The following GRID2IP variants were observed in gnomAD, a reference collection of about 807,000 sequenced individuals.
GRID2IP encodes Grid2 interacting protein, also known as delphilin.
In GRID2IP, 78 loss-of-function variants were observed where a neutral mutation model predicts 114.3. The ratio of observed to expected loss-of-function variants is 0.68; its 90% CI spans 0.57 to 0.82. The LOEUF is 0.82. Ranked by LOEUF, GRID2IP falls within the 40% of genes least tolerant of loss-of-function variation. The pLI, the probability that GRID2IP is intolerant of heterozygous loss-of-function variation, is 0.00. For synonymous variants in GRID2IP, 809 were observed against 724.0 expected, an observed-to-expected ratio of 1.12 and a Z score of -1.89; for missense variants, 1,727 against 1,678.5, an observed-to-expected ratio of 1.03 and a Z score of -0.51.
At position 6,536,014 on chromosome 7, in the gene GRID2IP, ACTGGCACCCAACC is replaced by A. The variant is rs1562523688; in HGVS notation, c.584+3691_584+3703del. Among the ~76,000 whole-genome samples the A allele has an allele frequency of 6.6e-6, 1 of 152,036 alleles. No homozygotes were observed. Among genetic ancestry groups the A allele is most frequent in the African/African-American group, 2.4e-5 (1 of 41,392 alleles). Reference sequence around the variant, plus strand: ...TTGCTCTGTGCTGAGTTAGCCATCAACTGGCACCCAACCCTGGGAATCACAGCTGCGTCTGTGG... The same window carrying A: ...TTGCTCTGTGCTGAGTTAGCCATCAACTGGGAATCACAGCTGCGTCTGTGG... On this transcript the variant is annotated intron_variant, in intron 2 of 21. Transcript: ENST00000457091. The surrounding 1 kb of genome is among the most constrained non-coding windows in gnomAD (Gnocchi z 5.3).
intron 2 of GRID2IP, chr7:6,531,077 C>G (rs1359399708): frequency 1.6e-6 from 1 of 626,790 alleles, no homozygotes; most frequent in African/African-American, 1.9e-5. Context: ...CCGAAAGTGC[C>G]GAGAGAAGCC....
chr7:6,525,031 T>G (rs986797553), intron 4 of GRID2IP, among the ~76,000 whole-genome samples: 2 of 151,896 alleles, frequency 1.3e-5, no homozygotes, highest in African/African-American at 2.4e-5. Context: ...ATAGGCCGAG[T>G]GTGGTGCTCT....
At chr7:6,503,451 A>T in intron 16 of GRID2IP, 40 bp downstream of exon 16, 1 of 1,473,942 alleles carries the variant, frequency 6.8e-7, no homozygotes, top group Non-Finnish European at 8.9e-7. Context: ...GCCCCTGTGG[A>T]GCCGGCCGAG....
rs539911693 is a variant in GRID2IP at position 6,536,466 on chromosome 7, G to C, written c.584+3252C>G. Among the ~76,000 whole-genome samples, 821 of 152,350 alleles carry C rather than the reference G, an allele frequency of 5.4e-3. 7 individuals carry two copies. The highest frequency in any genetic ancestry group is 4.2e-3 in the Non-Finnish European group (284 of 68,018). On this transcript the variant is annotated intron_variant, in intron 2 of 21. Transcript: ENST00000457091. The surrounding 1 kb of genome is among the most constrained non-coding windows in gnomAD (Gnocchi z 5.3). ...GCAGCTGCCGGCGGCTTGGGGACCA[G>C]CGGCGGCTGGGAAAGGCGGGCATGG...
intron 1 of GRID2IP, among the ~76,000 whole-genome samples, chr7:6,549,985 T>A (rs564336614): frequency 2.0e-5 from 3 of 151,956 alleles, no homozygotes; most frequent in Admixed American, 6.6e-5. Flanking sequence ...TCTGTGGCTC[T>A]TTTTATTTTA....
Position 6,532,002 on chromosome 7 carries a change from C to A in GRID2IP, c.585-5233G>T, listed in dbSNP as rs1037095024. 6.6e-6 allele frequency among the ~76,000 whole-genome samples: 1 copy of A among 152,146 alleles called. No individual in the cohort carries two copies. Among genetic ancestry groups the A allele is most frequent in the African/African-American group, 2.4e-5 (1 of 41,422 alleles). On this transcript the variant is annotated intron_variant, in intron 2 of 21. Transcript: ENST00000457091. This position sits in a 1 kb window ranked among gnomAD's most constrained non-coding sequence, Gnocchi z 4.4. ...GGAGCGAGTAGAGGGCCTCCCAGAGCTGCGCCTCTTGCTCTGCCAGGAGAG... is the reference window on the plus strand; with the variant it reads ...GGAGCGAGTAGAGGGCCTCCCAGAGATGCGCCTCTTGCTCTGCCAGGAGAG...
At position 6,510,922 on chromosome 7, in the gene GRID2IP, G is replaced by T. The variant is rs1304151136; in HGVS notation, c.1541C>A (p.Ala514Asp). ...ACCAGCCTTACCGCAGCTGAGGCCG[G>T]CCTCCAGGCCCTGGGACCGGAGGCT... is the stretch of plus-strand genomic sequence containing the variant. ...RRSLRSQGLE[A>D]GLSCGPSECP... The change falls in exon 9 of 22, where the codon GCC becomes GAC. Residue 514 changes from alanine (A) to aspartate (D), a missense_variant. Physicochemically the swap from Ala to Asp is moderately radical, Grantham distance 126. Transcript: ENST00000457091. The T allele has an allele frequency of 1.3e-6, 2 of 1,549,572 alleles. No individual in the cohort carries two copies. The highest frequency in any genetic ancestry group is 1.2e-5 in the South Asian group (1 of 84,016).
At chr7:6,548,458 A>C (rs191543020) in intron 1 of GRID2IP, among the ~76,000 whole-genome samples, 9 of 152,272 alleles carry the variant, frequency 5.9e-5, no homozygotes, top group Admixed American at 5.9e-4. Context: ...CTTATTTCAC[A>C]TTGCATGCCT....
intron 1 of GRID2IP, among the ~76,000 whole-genome samples, chr7:6,546,308 C>T (rs1779887224): frequency 6.6e-6 from 1 of 150,840 alleles, no homozygotes; most frequent in African/African-American, 2.4e-5. Context: ...AACTCCTGAC[C>T]TCAGGTGACC....
intron 7 of GRID2IP, among the ~76,000 whole-genome samples, chr7:6,515,708 G>A (rs1332060459): frequency 1.3e-5 from 2 of 148,868 alleles, no homozygotes; most frequent in Non-Finnish European, 1.5e-5. Context: ...GCCTGAGCTC[G>A]GGGAGGCGGA....
In GRID2IP at chr7:6,521,798, A is replaced by T; in HGVS notation, c.989+90T>A. 2 of 986,198 alleles carry T rather than the reference A, an allele frequency of 2.0e-6. No homozygotes were observed. The highest frequency in any genetic ancestry group is 3.1e-6 in the Non-Finnish European group (2 of 642,946). The allele number at this position is 986,198 out of a possible 1,614,324, so 61.1% of individuals were successfully genotyped here. A position where few individuals can be genotyped will look rare whatever the true frequency, so the allele number is the denominator to read the frequency against. Reference sequence around the variant, plus strand: ...GACCAAATGGTGAGAGGAGATTGTGATCACAGCCTGGGTGCCCCAAGAGGC... The same window carrying T: ...GACCAAATGGTGAGAGGAGATTGTGTTCACAGCCTGGGTGCCCCAAGAGGC... On this transcript the variant is annotated intron_variant, in intron 5 of 21. Transcript: ENST00000457091. This position sits in a 1 kb window ranked among gnomAD's most constrained non-coding sequence, Gnocchi z 4.1.
chr7:6,516,853 C>A lies in GRID2IP; in HGVS notation c.1269-2324G>T, dbSNP rs1003416158. Among the ~76,000 whole-genome samples the A allele has an allele frequency of 3.3e-5, 5 of 152,098 alleles. No individual in the cohort carries two copies. Among genetic ancestry groups the A allele is most frequent in the Non-Finnish European group, 7.4e-5 (5 of 68,018 alleles). On this transcript the variant is annotated intron_variant, in intron 7 of 21. Transcript: ENST00000457091. The surrounding 1 kb of genome is among the most constrained non-coding windows in gnomAD (Gnocchi z 4.3). ...GCCTCAGCTACCAAATAGGGAAGGG[C>A]CCCCTGTCTGGCGGACACGTGACTC... is the stretch of plus-strand genomic sequence containing the variant.
chr7:6,500,611 T>C (rs1476581570), intron 20 of GRID2IP, among the ~76,000 whole-genome samples: 1 of 151,872 alleles, frequency 6.6e-6, no homozygotes, highest in Non-Finnish European at 1.5e-5. Flanking sequence ...AAATTCCTAC[T>C]CAGACACTCA....
chr7:6,526,357 G>C lies in GRID2IP; in HGVS notation c.834-48C>G, dbSNP rs760885100. On this transcript the variant is annotated intron_variant, in intron 3 of 21. Coordinates refer to ENST00000457091, the MANE Select transcript of GRID2IP (RefSeq NM_001145118.2). The surrounding 1 kb of genome is among the most constrained non-coding windows in gnomAD (Gnocchi z 7.6). ...GCAGCATGATGGAGAGGGGGCCCTG[G>C]GGCGCAGAGGTTGGAGATGTCCCGT... 1.3e-6 allele frequency: 2 copies of C among 1,528,608 alleles called. No homozygotes were observed. The highest frequency in any genetic ancestry group is 2.4e-5 in the South Asian group (2 of 83,654). 94.7% of individuals were successfully genotyped at this position (1,528,608 alleles called of 1,614,324 possible).
chr7:6,550,979 C>A, intron 1 of GRID2IP, 29 bp downstream of exon 1: 3 of 1,151,938 alleles, frequency 2.6e-6, no homozygotes, highest in South Asian at 4.0e-5. Context: ...CCCTCCTTCC[C>A]GCCCCCACCT....
At chr7:6,527,760 A>ATTT (rs111974045) in intron 2 of GRID2IP, among the ~76,000 whole-genome samples, 49 of 142,276 alleles carry the variant, frequency 3.4e-4, no homozygotes, top group Non-Finnish European at 3.8e-4. Context: ...CACCAGGCTA[A>ATTT]TTTTTTTTTT....
chr7:6,535,144 C>A (rs574643356), intron 2 of GRID2IP, among the ~76,000 whole-genome samples: 2 of 146,934 alleles, frequency 1.4e-5, no homozygotes, highest in East Asian at 4.0e-4. Flanking sequence ...CTCGGCCTCC[C>A]AAAGTGCTGG....
At chr7:6,546,397 T>C (rs1228116565) in intron 1 of GRID2IP, among the ~76,000 whole-genome samples, 3 of 150,572 alleles carry the variant, frequency 2.0e-5, no homozygotes, top group African/African-American at 7.3e-5. Flanking sequence ...GCCTGGCCTG[T>C]CTCTACTAAA....
chr7:6,508,017 C>T lies in GRID2IP; in HGVS notation c.2512G>A (p.Val838Met), dbSNP rs1476800118. 1 of 1,549,960 alleles carries T rather than the reference C, an allele frequency of 6.5e-7. No individual in the cohort carries two copies. Among genetic ancestry groups the T allele is most frequent in the Non-Finnish European group, 8.7e-7 (1 of 1,146,794 alleles). The stretch of plus-strand genomic sequence containing the variant: ...CAGATGGTGCCTTCTGAGTTCTCCA[C>T]CTGTTCCCACCGCAAGCGCTTGACG... ...MSVKRLRWEQ[V>M]ENSEGTIWGQ... Residue 838 changes from valine (V) to methionine (M), a missense_variant, in exon 13 of 22, where the codon GTG (valine) becomes ATG (methionine). Transcript: ENST00000457091. This position sits in a 1 kb window ranked among gnomAD's most constrained non-coding sequence, Gnocchi z 5.6.
Sources: gnomAD v4.1 joint callset for allele counts (sites outside exome capture counted in the v4.1 genomes callset) on GRCh38, gnomAD v4.1.1 for gene constraint, Gnocchi (gnomAD v3.1) non-coding constraint, MANE v1.5 for transcripts, NCBI Gene and HGNC (gene_info 2026-07-23, HGNC 2026-07-21) for gene names.